SEC22A: variants seen among roughly 807,000 people sequenced by gnomAD.
The protein encoded by SEC22A is vesicle-trafficking protein SEC22a.
Under a neutral mutation model 35.3 loss-of-function variants are expected in SEC22A, and 22 were observed. The ratio of observed to expected loss-of-function variants is 0.62; its 90% CI spans 0.45 to 0.89. The LOEUF (loss-of-function observed/expected upper bound fraction) is 0.89, where lower values mean the gene tolerates loss of function less well. SEC22A is among the 40% of genes least tolerant of loss of function. SEC22A has a pLI of 0.00. For synonymous variants in SEC22A, 119 were observed against 129.5 expected, an observed-to-expected ratio of 0.92 and a Z score of 0.55; for missense variants, 354 against 362.5, an observed-to-expected ratio of 0.98 and a Z score of 0.19.
rs1283989647 is a variant in SEC22A at position 123,206,591 on chromosome 3, A to G, written c.-19-2608A>G. On this transcript the variant is annotated intron_variant, in intron 1 of 6. Transcript: ENST00000492595. ...TTGTGATTTAATAATTAAGTAAAAC[A>G]TGGTAAAAAAAAAATTAAAGAGGGG... Among the ~76,000 whole-genome samples the G allele has an allele frequency of 2.1e-5, 3 of 141,890 alleles. No individual in the cohort carries two copies. In the South Asian group the frequency reaches 6.6e-4, roughly 31 times the overall value. The allele number at this position is 141,890 out of a possible 152,430, so 93.1% of individuals were successfully genotyped here. A position where few individuals can be genotyped will look rare whatever the true frequency, so the allele number is the denominator to read the frequency against.
chr3:123,217,587 A>T (rs1268738017), intron 2 of SEC22A, among the ~76,000 whole-genome samples: 1 of 152,116 alleles, frequency 6.6e-6, no homozygotes, highest in African/African-American at 2.4e-5. Context: ...ACTTTTCTGC[A>T]CCCAGGAAAG....
chr3:123,253,574 C>T (rs529190526), intron 5 of SEC22A, among the ~76,000 whole-genome samples: 98 of 151,940 alleles, frequency 6.4e-4, no homozygotes, highest in East Asian at 3.3e-3. Flanking sequence ...TAACTGAGCG[C>T]GGTGGCAGGT....
intron 6 of SEC22A, among the ~76,000 whole-genome samples, chr3:123,264,993 A>G (rs1476558688): frequency 6.6e-6 from 1 of 151,802 alleles, no homozygotes; most frequent in Non-Finnish European, 1.5e-5. Context: ...TGTTTTTCTT[A>G]AAGAGTTTTT....
intron 5 of SEC22A, among the ~76,000 whole-genome samples, chr3:123,253,884 A>G (rs1003410664): frequency 1.3e-5 from 2 of 151,962 alleles, no homozygotes; most frequent in Non-Finnish European, 2.9e-5. Context: ...GAATTAGGAG[A>G]TCCTACAAGA....
chr3:123,221,385 C>G (rs150229182), intron 2 of SEC22A, among the ~76,000 whole-genome samples: 1 of 144,988 alleles, frequency 6.9e-6, no homozygotes, highest in Non-Finnish European at 1.5e-5. Flanking sequence ...ACAGGAGAAT[C>G]GCTTGAACCC....
At chr3:123,208,735 A>C (rs1289708596) in intron 1 of SEC22A, 1 of 155,786 alleles carries the variant, frequency 6.4e-6, no homozygotes, top group Non-Finnish European at 1.4e-5. Context: ...AAAAAACAAA[A>C]AACAAAAAAC....
At chr3:123,231,440 T>C (rs183344170) in intron 4 of SEC22A, among the ~76,000 whole-genome samples, 6 of 152,258 alleles carry the variant, frequency 3.9e-5, no homozygotes, top group Admixed American at 3.9e-4. Flanking sequence ...AAACAAAACC[T>C]TCATAAATTT....
intron 5 of SEC22A, among the ~76,000 whole-genome samples, chr3:123,259,188 TG>T (rs1381846431): frequency 1.3e-5 from 2 of 152,200 alleles, no homozygotes; most frequent in Non-Finnish European, 2.9e-5. Flanking sequence ...TGTCAGCCAC[TG>T]GGGTGTTGTA....
At chr3:123,243,993 GT>G (rs1937547198) in intron 4 of SEC22A, 1 of 152,078 alleles carries the variant, frequency 6.6e-6, no homozygotes, top group Non-Finnish European at 1.5e-5. Flanking sequence ...CAAAATTATT[GT>G]TTTTCTACAC....
chr3:123,261,539 A>G (rs935771075), intron 6 of SEC22A, among the ~76,000 whole-genome samples: 4 of 151,584 alleles, frequency 2.6e-5, no homozygotes, highest in Non-Finnish European at 4.4e-5. Flanking sequence ...TTTTATAACT[A>G]TACACATGAT....
intron 4 of SEC22A, among the ~76,000 whole-genome samples, chr3:123,232,566 G>T (rs552876361): frequency 3.9e-5 from 6 of 152,272 alleles, no homozygotes; most frequent in Admixed American, 1.3e-4. Flanking sequence ...ACAGTAAAGG[G>T]CCAGATGCTG....
rs184344160 is a variant in SEC22A, at chr3:123,245,912, G to A, written c.555G>A (p.Leu185=). Residue 185 remains leucine, a synonymous_variant, in exon 5 of 7, where the codon CTG becomes CTA. Coordinates refer to ENST00000492595, the MANE Select transcript of SEC22A (RefSeq NM_012430.5). ...AGKISSAHQR[L]EPATLSGIVG... ...TTTATTTTCCAGCTCACCAGCGACT[G>A]GAACCAGCAACTCTGTCAGGGATTG... is the stretch of plus-strand genomic sequence containing the variant. 22 of 1,604,014 alleles carry A rather than the reference G, an allele frequency of 1.4e-5. No homozygotes were observed. Among genetic ancestry groups the A allele is most frequent in the Middle Eastern group, 3.3e-4 (2 of 6,020 alleles).
chr3:123,238,069 G>C (rs924270585), intron 4 of SEC22A, among the ~76,000 whole-genome samples: 5 of 152,114 alleles, frequency 3.3e-5, no homozygotes, highest in African/African-American at 1.2e-4. Context: ...CAGGAGGATT[G>C]CTTGAGCCTG....
intron 4 of SEC22A, among the ~76,000 whole-genome samples, chr3:123,238,188 A>T (rs926862163): frequency 6.6e-6 from 1 of 151,910 alleles, no homozygotes. Flanking sequence ...CACAACTAGA[A>T]TTTATTTTAT....
At chr3:123,238,562 A>G (rs552591974) in intron 4 of SEC22A, among the ~76,000 whole-genome samples, 102 of 152,286 alleles carry the variant, frequency 6.7e-4, no homozygotes, top group African/African-American at 1.4e-3. Flanking sequence ...AATATTTTCT[A>G]TGGTCCCCAA....
intron 4 of SEC22A, among the ~76,000 whole-genome samples, chr3:123,238,896 A>C (rs963829214): frequency 6.6e-6 from 1 of 152,140 alleles, no homozygotes; most frequent in Non-Finnish European, 1.5e-5. Flanking sequence ...TATTATGGAA[A>C]TTTTCAAAGT....
chr3:123,252,167 T>A (rs1937622193), intron 5 of SEC22A, among the ~76,000 whole-genome samples: 1 of 152,212 alleles, frequency 6.6e-6, no homozygotes, highest in Admixed American at 6.5e-5. Context: ...TCACAACTTG[T>A]ATTGGATAAA....
At chr3:123,267,687 C>T (rs895997581) in intron 6 of SEC22A, among the ~76,000 whole-genome samples, 3 of 152,064 alleles carry the variant, frequency 2.0e-5, no homozygotes, top group African/African-American at 7.2e-5. Flanking sequence ...TTTCAAGATT[C>T]CTTCTTTTTA....
chr3:123,262,862 A>G (rs554738988), intron 6 of SEC22A, among the ~76,000 whole-genome samples: 1 of 152,290 alleles, frequency 6.6e-6, no homozygotes, highest in South Asian at 2.1e-4. Context: ...TAAACTTTTT[A>G]TTTTGGGATA....
Sources: gnomAD v4.1 joint callset for allele counts (sites outside exome capture counted in the v4.1 genomes callset) on GRCh38, gnomAD v4.1.1 for gene constraint, MANE v1.5 for transcripts, NCBI Gene and HGNC (gene_info 2026-07-23, HGNC 2026-07-21) for gene names.